CNGB3: variants seen among roughly 807,000 people sequenced by gnomAD.
CNGB3 encodes cyclic nucleotide-gated channel beta-3.
CNGB3 carries 86 observed loss-of-function variants against 92.8 expected under a neutral mutation model. The observed-to-expected ratio is 0.93, with a 90% CI of 0.78 to 1.11. The LOEUF is 1.11. CNGB3 is among the 50% of genes least tolerant of loss of function. CNGB3 has a pLI of 0.00. For synonymous variants in CNGB3, 333 were observed against 332.7 expected (o/e 1.00, Z -0.01); for missense variants, 1,026 against 956.8 (o/e 1.07, Z -0.95).
At chr8:86,637,006 T>C (rs943301237) in intron 10 of CNGB3, among the ~76,000 whole-genome samples, 1 of 152,222 alleles carries the variant, frequency 6.6e-6, no homozygotes, top group African/African-American at 2.4e-5. Context: ...CTTTCATTAG[T>C]TGAGAGAAAT....
rs868097784 is a variant in CNGB3, at chr8:86,643,799, T to C, written c.1130A>G (p.Tyr377Cys). Residue 377 changes from tyrosine (Y) to cysteine (C), a missense_variant, in exon 10 of 18, where the codon TAT becomes TGT. Coordinates refer to ENST00000320005, the MANE Select transcript of CNGB3 (RefSeq NM_019098.5). ...NACVYYWASN[Y>C]EGIGTTRWVY... ...CCATCTAGTAGTGCCAATTCCTTCA[T>C]AGTTTGAAGCCCAGTAATAAACACA... The C allele has an allele frequency of 5.0e-6, 8 of 1,606,692 alleles. No individual in the cohort carries two copies. The South Asian group carries it at 6.6e-5, about 13-fold the overall frequency.
intron 6 of CNGB3, among the ~76,000 whole-genome samples, chr8:86,657,000 C>T (rs933610669): frequency 6.6e-6 from 1 of 152,146 alleles, no homozygotes; most frequent in African/African-American, 2.4e-5. Context: ...GAGCCACCCC[C>T]AGCAGCCTGT....
At chr8:86,619,139 G>T (rs1563728894) in intron 13 of CNGB3, among the ~76,000 whole-genome samples, 1 of 152,172 alleles carries the variant, frequency 6.6e-6, no homozygotes, top group Non-Finnish European at 1.5e-5. Flanking sequence ...GTTTCCTACT[G>T]AACTGGGGGC....
intron 9 of CNGB3, among the ~76,000 whole-genome samples, 175 bp downstream of exon 9, chr8:86,644,447 T>G (rs1009726470): frequency 6.6e-6 from 1 of 151,398 alleles, no homozygotes; most frequent in Admixed American, 6.6e-5. Flanking sequence ...TTCATACTCT[T>G]ATTTCACTTA....
intron 10 of CNGB3, among the ~76,000 whole-genome samples, chr8:86,636,834 A>G (rs993570088): frequency 6.6e-6 from 1 of 152,136 alleles, no homozygotes; most frequent in African/African-American, 2.4e-5. Context: ...AAGTGAGGTC[A>G]TATGAGGTCA....
chr8:86,585,827 G>A (rs1821879494), intron 15 of CNGB3, among the ~76,000 whole-genome samples: 1 of 152,164 alleles, frequency 6.6e-6, no homozygotes, highest in Non-Finnish European at 1.5e-5. Context: ...CCCCAGTAAA[G>A]GCTATGAATC....
chr8:86,664,092 G>A lies in CNGB3; in HGVS notation c.852+2833C>T, dbSNP rs547574329. Among the ~76,000 whole-genome samples the A allele has an allele frequency of 3.3e-5, 5 of 152,276 alleles. No individual in the cohort carries two copies. The South Asian group carries it at 1.0e-3, about 32-fold the overall frequency. On this transcript the variant is annotated intron_variant, in intron 6 of 17. Coordinates refer to ENST00000320005, the MANE Select transcript of CNGB3 (RefSeq NM_019098.5). ...TCATCACCATTCATCAAGCTGCCAG[G>A]TTGCTCTGGGGATGGTGCTGGTGAT... is the stretch of plus-strand genomic sequence containing the variant.
intron 14 of CNGB3, among the ~76,000 whole-genome samples, chr8:86,604,738 C>T (rs951687857): frequency 1.3e-5 from 2 of 152,132 alleles, no homozygotes; most frequent in East Asian, 1.9e-4. Flanking sequence ...GGTTGTTTTA[C>T]TCAGTTCTTG....
intron 2 of CNGB3, among the ~76,000 whole-genome samples, chr8:86,738,337 A>G (rs1313993718): frequency 1.3e-5 from 2 of 152,286 alleles, no homozygotes; most frequent in East Asian, 1.9e-4. Flanking sequence ...CCTGCAGGCA[A>G]TATGCAAGCA....
At position 86,661,747 on chromosome 8, in the gene CNGB3, C is replaced by T. The variant is rs372390425; in HGVS notation, c.852+5178G>A. On this transcript the variant is annotated intron_variant, in intron 6 of 17. Transcript: ENST00000320005. ...GTAGTGGTTGATCTAGCATCTCAAACATCCAGGTGCTTAGGAAGGTTATAT... is the reference window on the plus strand; with the variant it reads ...GTAGTGGTTGATCTAGCATCTCAAATATCCAGGTGCTTAGGAAGGTTATAT... The T allele has an allele frequency of 5.4e-5, 85 of 1,583,288 alleles. No homozygotes were observed. The African/African-American group carries it at 8.1e-4, about 15-fold the overall frequency.
At chr8:86,687,610 G>A (rs2131633453) in intron 3 of CNGB3, among the ~76,000 whole-genome samples, 1 of 152,176 alleles carries the variant, frequency 6.6e-6, no homozygotes, top group East Asian at 1.9e-4. Flanking sequence ...GAACTAGACA[G>A]AGGTGGCAGT....
At chr8:86,603,644 C>A (rs193020144) in intron 15 of CNGB3, among the ~76,000 whole-genome samples, 1 of 152,216 alleles carries the variant, frequency 6.6e-6, no homozygotes, top group East Asian at 1.9e-4. Context: ...ACAGTGGGGA[C>A]AAGTAACAGA....
In CNGB3 at chr8:86,575,709, C is replaced by T; in HGVS notation, c.*95G>A. The T allele has an allele frequency of 8.9e-7, 1 of 1,122,782 alleles. No individual in the cohort carries two copies. The highest frequency in any genetic ancestry group is 1.4e-5 in the South Asian group (1 of 71,508). The allele number at this position is 1,122,782 out of a possible 1,614,324, so 69.6% of individuals were successfully genotyped here. A position where few individuals can be genotyped will look rare whatever the true frequency, so the allele number is the denominator to read the frequency against. ...GATTTGCCTTTCGTTTCTCAAGGGT[C>T]CCAGCATGTCGTTTCCCCTCGTTAA... On this transcript the variant is annotated 3_prime_UTR_variant, in exon 18 of 18. Coordinates refer to ENST00000320005, the MANE Select transcript of CNGB3 (RefSeq NM_019098.5).
intron 3 of CNGB3, among the ~76,000 whole-genome samples, chr8:86,712,561 T>C (rs1207138144): frequency 6.6e-6 from 1 of 152,120 alleles, no homozygotes; most frequent in Non-Finnish European, 1.5e-5. Flanking sequence ...TTCCTACAGA[T>C]TTTAGATGTT....
intron 13 of CNGB3, among the ~76,000 whole-genome samples, chr8:86,617,486 G>A (rs1822642362): frequency 6.6e-6 from 1 of 152,134 alleles, no homozygotes; most frequent in Non-Finnish European, 1.5e-5. Context: ...ACTAGGGCAG[G>A]GAATTCTGAA....
At chr8:86,684,383 T>C (rs905487670) in intron 3 of CNGB3, among the ~76,000 whole-genome samples, 1 of 152,128 alleles carries the variant, frequency 6.6e-6, no homozygotes, top group Non-Finnish European at 1.5e-5. Flanking sequence ...GGATCACTCA[T>C]ACACTGCTGC....
chr8:86,719,641 A>T (rs1824928266), intron 3 of CNGB3, among the ~76,000 whole-genome samples: 1 of 152,200 alleles, frequency 6.6e-6, no homozygotes, highest in Non-Finnish European at 1.5e-5. Flanking sequence ...AACTAGAAAA[A>T]ACAATTCTAA....
chr8:86,638,476 C>T (rs1400629959), intron 10 of CNGB3, among the ~76,000 whole-genome samples: 1 of 151,920 alleles, frequency 6.6e-6, no homozygotes, highest in South Asian at 2.1e-4. Flanking sequence ...TTAAAAGTAC[C>T]CCTTCTATAC....
At chr8:86,605,457 T>TA (rs958411596) in intron 14 of CNGB3, among the ~76,000 whole-genome samples, 15 of 151,374 alleles carry the variant, frequency 9.9e-5, no homozygotes, top group South Asian at 6.3e-4. Context: ...CCTTGAGCTA[T>TA]AAAAAAAAAT....
Sources: gnomAD v4.1 joint callset for allele counts (sites outside exome capture counted in the v4.1 genomes callset) on GRCh38, gnomAD v4.1.1 for gene constraint, MANE v1.5 for transcripts, NCBI Gene and HGNC (gene_info 2026-07-23, HGNC 2026-07-21) for gene names.